Variants in FLT1 observed in about 807,000 individuals in gnomAD.
FLT1 encodes vascular endothelial growth factor receptor 1.
A neutral mutation model predicts 156.3 loss-of-function variants in FLT1; 49 were observed. The observed-to-expected ratio is 0.31, with a 90% CI of 0.25 to 0.40. The LOEUF (loss-of-function observed/expected upper bound fraction) is 0.40, where lower values mean the gene tolerates loss of function less well. Among genes scored for constraint, FLT1 ranks in the 10% least tolerant of loss-of-function variants. The pLI, the probability that FLT1 is intolerant of heterozygous loss-of-function variation, is 1.00. For synonymous variants in FLT1, 594 were observed against 583.8 expected (o/e 1.02, Z -0.25); for missense variants, 1,322 against 1,637.2 (o/e 0.81, Z 3.32).
Position 28,422,873 on chromosome 13 carries a change from T to C in FLT1, c.1436+4286A>G, listed in dbSNP as rs1373606566. Among the ~76,000 whole-genome samples the C allele has an allele frequency of 2.6e-5, 4 of 152,236 alleles. No homozygotes were observed. In the East Asian group the frequency reaches 5.8e-4, roughly 22 times the overall value. On this transcript the variant is annotated intron_variant, in intron 10 of 29. Transcript: ENST00000282397. ...AGACTGTCCTTGCCCTATCCTCTCC[T>C]GGGTTCCTGAAATCCACCCTTTCCA...
chr13:28,340,214 T>TA (rs58243230), intron 16 of FLT1, among the ~76,000 whole-genome samples: 2,290 of 134,826 alleles, frequency 0.017, 55 homozygotes, highest in Admixed American at 0.069. Flanking sequence ...GACTCTGTCT[T>TA]AAAAAAAAAA....
chr13:28,415,976 G>C (rs1056135368), intron 10 of FLT1, among the ~76,000 whole-genome samples: 1 of 152,312 alleles, frequency 6.6e-6, no homozygotes, highest in Non-Finnish European at 1.5e-5. Flanking sequence ...CCACTTCAGA[G>C]GGAAGTGGCT....
chr13:28,301,859 G>A lies in FLT1; in HGVS notation c.*1308C>T, dbSNP rs1870529131. 4.3e-6 allele frequency: 1 copy of A among 233,526 alleles called. No individual in the cohort carries two copies. The highest frequency in any genetic ancestry group is 2.2e-5 in the African/African-American group (1 of 45,448). The allele number at this position is 233,526 out of a possible 1,614,324, so 14.5% of individuals were successfully genotyped here. On this transcript the variant is annotated 3_prime_UTR_variant, in exon 30 of 30. Coordinates refer to ENST00000282397, the MANE Select transcript of FLT1 (RefSeq NM_002019.4). ...GATGGCTCATTAACTAATATCCTGA[G>A]TCCCAACTGGAGAAATACCTTGCAT...
intron 3 of FLT1, among the ~76,000 whole-genome samples, chr13:28,449,175 C>G (rs1329609563): frequency 6.6e-6 from 1 of 152,126 alleles, no homozygotes; most frequent in Non-Finnish European, 1.5e-5. Context: ...CCCAGCTACT[C>G]TGGAGGCTAA....
At chr13:28,389,538 C>A in intron 13 of FLT1, 1 of 1,431,662 alleles carries the variant, frequency 7.0e-7, no homozygotes, top group South Asian at 1.5e-5. Context: ...GCAGCCCCCT[C>A]GGCCTGAATG....
At chr13:28,315,458 A>C (rs1871159638) in intron 25 of FLT1, among the ~76,000 whole-genome samples, 1 of 152,196 alleles carries the variant, frequency 6.6e-6, no homozygotes, top group African/African-American at 2.4e-5. Flanking sequence ...CAGTAGGCTG[A>C]GGAAAAAGAA....
At chr13:28,408,260 A>T (rs1183605288) in intron 10 of FLT1, among the ~76,000 whole-genome samples, 1 of 152,118 alleles carries the variant, frequency 6.6e-6, no homozygotes, top group African/African-American at 2.4e-5. Flanking sequence ...CTGCTATCTG[A>T]GTTCACTTGG....
chr13:28,383,144 TTTATAC>T (rs1411296794), intron 14 of FLT1, among the ~76,000 whole-genome samples: 1 of 152,140 alleles, frequency 6.6e-6, no homozygotes, highest in Non-Finnish European at 1.5e-5. Context: ...ATAGACAGTG[TTTATAC>T]TTATTGGTTT....
At chr13:28,401,042 A>T (rs1875401136) in intron 11 of FLT1, among the ~76,000 whole-genome samples, 1 of 152,178 alleles carries the variant, frequency 6.6e-6, no homozygotes, top group African/African-American at 2.4e-5. Flanking sequence ...CCTGGCTAAC[A>T]AGACGAAACC....
At chr13:28,430,848 T>C (rs1566023389) in intron 7 of FLT1, among the ~76,000 whole-genome samples, 1 of 152,214 alleles carries the variant, frequency 6.6e-6, no homozygotes, top group African/African-American at 2.4e-5. Context: ...TTCTGTTTTG[T>C]TTATACAGAA....
intron 19 of FLT1, 100 bp downstream of exon 19, chr13:28,329,515 C>G (rs1336991956): frequency 1.2e-6 from 1 of 850,178 alleles, no homozygotes; most frequent in Non-Finnish European, 2.0e-6. Flanking sequence ...TTCCTGGAGG[C>G]GAGGAAGCAC....
At chr13:28,331,181 G>A (rs148611335) in intron 18 of FLT1, among the ~76,000 whole-genome samples, 1 of 152,330 alleles carries the variant, frequency 6.6e-6, no homozygotes, top group African/African-American at 2.4e-5. Context: ...TTAGAGGTAT[G>A]TGCATTTAAC....
At chr13:28,372,074 A>ATATTTT (rs1873621857) in intron 14 of FLT1, among the ~76,000 whole-genome samples, 1 of 14,184 alleles carries the variant, frequency 7.1e-5, no homozygotes, top group Non-Finnish European at 1.5e-4. Context: ...ATATATATAT[A>ATATTTT]TATTTTTTTT....
intron 18 of FLT1, among the ~76,000 whole-genome samples, chr13:28,330,838 C>T (rs1871904965): frequency 6.6e-6 from 1 of 151,942 alleles, no homozygotes; most frequent in Non-Finnish European, 1.5e-5. Flanking sequence ...CTCAGCCTCC[C>T]GAGTAGCTGG....
chr13:28,448,520 A>G (rs578175934), intron 3 of FLT1, among the ~76,000 whole-genome samples: 3 of 152,348 alleles, frequency 2.0e-5, no homozygotes, highest in African/African-American at 7.2e-5. Context: ...AAAGACTACA[A>G]ATTATGTATT....
intron 3 of FLT1, among the ~76,000 whole-genome samples, chr13:28,458,374 G>A (rs1456412931): frequency 6.6e-5 from 10 of 152,246 alleles, no homozygotes; most frequent in Admixed American, 1.3e-4. Context: ...TAACTGCGTC[G>A]TTGCTAGTAA....
chr13:28,420,626 AGT>A (rs1876946421), intron 10 of FLT1, among the ~76,000 whole-genome samples: 1 of 152,214 alleles, frequency 6.6e-6, no homozygotes, highest in Non-Finnish European at 1.5e-5. Context: ...CAATTTTTAT[AGT>A]GTTAAAACTT....
intron 3 of FLT1, among the ~76,000 whole-genome samples, chr13:28,441,915 G>A (rs551385866): frequency 6.6e-6 from 1 of 152,226 alleles, no homozygotes; most frequent in African/African-American, 2.4e-5. Flanking sequence ...AATTATTAAA[G>A]TTAAAACTCA....
chr13:28,412,404 C>CCTTCTTTCTTTCTTTCTTTT (rs1876345060), intron 10 of FLT1, among the ~76,000 whole-genome samples: 53 of 136,074 alleles, frequency 3.9e-4, no homozygotes, highest in Non-Finnish European at 5.6e-4. Context: ...TTCTTTCTTT[C>CCTTCTTTCTTTCTTTCTTTT]TTTCTTCTCT....
Sources: gnomAD v4.1 joint callset for allele counts (sites outside exome capture counted in the v4.1 genomes callset) on GRCh38, gnomAD v4.1.1 for gene constraint, MANE v1.5 for transcripts, NCBI Gene and HGNC (gene_info 2026-07-23, HGNC 2026-07-21) for gene names.